The following RP1L1 variants were observed in gnomAD, a reference collection of about 807,000 sequenced individuals.
RP1L1 encodes RP1 like 1, also known as retinitis pigmentosa 1-like 1 protein.
In RP1L1, 27 loss-of-function variants were observed where a neutral mutation model predicts 15.7. The ratio of observed to expected loss-of-function variants is 1.72; its 90% CI spans 1.27 to 2.38. RP1L1 has a LOEUF of 2.38. RP1L1 is among the 30% of genes most tolerant of loss of function. RP1L1 has a pLI of 0.00. For missense variants in RP1L1, 4,798 were observed against 3,075.9 expected (o/e 1.56, Z -13.24); for synonymous variants, 1,813 against 1,276.7 (o/e 1.42, Z -8.96).
intron 1 of RP1L1, among the ~76,000 whole-genome samples, chr8:10,653,867 T>A (rs1054747278): frequency 3.9e-5 from 6 of 152,122 alleles, no homozygotes; most frequent in African/African-American, 1.4e-4. Flanking sequence ...TGAGATGCAT[T>A]TCTGGGCTGT....
intron 2 of RP1L1, among the ~76,000 whole-genome samples, chr8:10,620,889 A>C (rs1798047261): frequency 6.6e-6 from 1 of 152,222 alleles, no homozygotes; most frequent in South Asian, 2.1e-4. Context: ...CCAAGGGCTC[A>C]GACCCCTCAG....
chr8:10,637,878 G>C (rs1015906429), intron 1 of RP1L1, among the ~76,000 whole-genome samples: 1 of 152,232 alleles, frequency 6.6e-6, no homozygotes, highest in Non-Finnish European at 1.5e-5. Context: ...AACTCCAGGG[G>C]TGGGGGGATT....
At position 10,623,024 on chromosome 8, in the gene RP1L1, T is replaced by C; in HGVS notation, c.178A>G (p.Thr60Ala). 1.2e-6 allele frequency: 2 copies of C among 1,613,870 alleles called. No homozygotes were observed. The highest frequency in any genetic ancestry group is 1.3e-5 in the African/African-American group (1 of 74,930). The change falls in exon 2 of 4, where the codon ACC (threonine) becomes GCC (alanine). Residue 60 changes from threonine to alanine, a missense_variant. By Grantham distance (58) the Thr-to-Ala change is moderately conservative. Transcript: ENST00000382483. ...AGCTCGTCCATGAGGGCGCTGAAGG[T>C]CTTAAAGGCGCGCTGGTGAACGGCC... ...RLAVHQRAFK[T>A]FSALMDELSQ... is the part of the protein sequence containing the mutation.
In RP1L1 at chr8:10,610,876, T is replaced by C. The variant is rs1175391654; in HGVS notation, c.3222A>G (p.Ala1074=). ...APAGCRVSLR[A]LPGRVSASTQ... ...TGGAGGCAGACACCCGGCCAGGAAG[T>C]GCCCGCAGGCTCACCCTGCAGCCTG... The change falls in exon 4 of 4, where the codon GCA becomes GCG. Residue 1074 remains alanine, a synonymous_variant. Transcript: ENST00000382483. 6.2e-7 allele frequency: 1 copy of C among 1,608,682 alleles called. No homozygotes were observed. The highest frequency in any genetic ancestry group is 8.5e-7 in the Non-Finnish European group (1 of 1,177,384).
intron 1 of RP1L1, among the ~76,000 whole-genome samples, chr8:10,653,134 G>A (rs1410590377): frequency 6.6e-6 from 1 of 152,156 alleles, no homozygotes; most frequent in African/African-American, 2.4e-5. Context: ...TAATTTATAT[G>A]ACATACTTAT....
Position 10,612,376 on chromosome 8 carries a change from G to C in RP1L1, c.1722C>G (p.Pro574=). 1 of 1,612,888 alleles carries C rather than the reference G, an allele frequency of 6.2e-7. No homozygotes were observed. The part of the protein sequence containing the change: ...SQQEASEGGD[P]ASPALSLSSL... Reference sequence around the variant, plus strand: ...ATGAAAGACTCAGGGCTGGAGAAGCGGGGTCGCCTCCCTCGCTGGCCTCCT... The same window carrying C: ...ATGAAAGACTCAGGGCTGGAGAAGCCGGGTCGCCTCCCTCGCTGGCCTCCT... Residue 574 remains proline (P), a synonymous_variant, in exon 4 of 4, where the codon CCC becomes CCG. Transcript: ENST00000382483.
At position 10,622,658 on chromosome 8, in the gene RP1L1, G is replaced by T; in HGVS notation, c.544C>A (p.Leu182Ile). 6.2e-7 allele frequency: 1 copy of T among 1,614,218 alleles called. No homozygotes were observed. The highest frequency in any genetic ancestry group is 1.1e-5 in the South Asian group (1 of 91,070). The change falls in exon 2 of 4, where the codon CTC (leucine) becomes ATC (isoleucine). Residue 182 changes from leucine (L) to isoleucine (I), a missense_variant. Coordinates refer to ENST00000382483, the MANE Select transcript of RP1L1 (RefSeq NM_178857.6). ...CGCAGGAGATCTGAGGCTTTGCCGA[G>T]AAAGGCGGCCAGGTTCCTAGTATTC... ...HRNTRNLAAF[L>I]GKASDLLRFP...
chr8:10,631,430 C>T (rs946641897), intron 1 of RP1L1, among the ~76,000 whole-genome samples: 13 of 147,408 alleles, frequency 8.8e-5, no homozygotes, highest in South Asian at 2.2e-4. Flanking sequence ...CACACATGCG[C>T]GCACACACAC....
Position 10,612,277 on chromosome 8 carries a change from T to C in RP1L1, c.1821A>G (p.Thr607=), listed in dbSNP as rs760134129. 6.2e-6 allele frequency: 10 copies of C among 1,613,234 alleles called. No homozygotes were observed. The highest frequency in any genetic ancestry group is 1.1e-5 in the South Asian group (1 of 91,090). The change falls in exon 4 of 4, where the codon ACA becomes ACG. Residue 607 remains threonine, a synonymous_variant. Coordinates refer to ENST00000382483, the MANE Select transcript of RP1L1 (RefSeq NM_178857.6). Reference sequence around the variant, plus strand: ...AAAGGCCCAGAACCAGAGGCTCCCTTGTCACAGCCGCTCCCGTGGCCTGCT... The same window carrying C: ...AAAGGCCCAGAACCAGAGGCTCCCTCGTCACAGCCGCTCCCGTGGCCTGCT... ...GTEQATGAAV[T]REPLVLGLSC...
chr8:10,609,450 T>A lies in RP1L1; in HGVS notation c.4648A>T (p.Asn1550Tyr). The A allele has an allele frequency of 6.2e-7, 1 of 1,612,474 alleles. No homozygotes were observed. Residue 1550 changes from asparagine (N) to tyrosine (Y), a missense_variant, in exon 4 of 4, where the codon AAT becomes TAT. Physicochemically the swap from Asn to Tyr is moderately radical, Grantham distance 143. Coordinates refer to ENST00000382483, the MANE Select transcript of RP1L1 (RefSeq NM_178857.6). ...ELRARWGLQD[N>Y]DLLDQMAAEL... is the part of the protein sequence containing the mutation. Reference sequence around the variant, plus strand: ...GCCGCCATCTGGTCCAGCAGATCATTGTCCTGCAGGCCCCAGCGTGCTCGG... The same window carrying A: ...GCCGCCATCTGGTCCAGCAGATCATAGTCCTGCAGGCCCCAGCGTGCTCGG...
At chr8:10,651,306 A>G (rs1436609103) in intron 1 of RP1L1, among the ~76,000 whole-genome samples, 1 of 152,230 alleles carries the variant, frequency 6.6e-6, no homozygotes, top group East Asian at 1.9e-4. Flanking sequence ...CACACATTTG[A>G]GGAGTGCTGC....
At position 10,612,790 on chromosome 8, in the gene RP1L1, G is replaced by C; in HGVS notation, c.1308C>G (p.Gly436=). 2.5e-6 allele frequency: 4 copies of C among 1,610,840 alleles called. No individual in the cohort carries two copies. The highest frequency in any genetic ancestry group is 2.5e-6 in the Non-Finnish European group (3 of 1,179,934). Residue 436 remains glycine, a synonymous_variant, in exon 4 of 4, where the codon GGC becomes GGG. Transcript: ENST00000382483. ...TCCCGGCAGTCCCGTGGCCCCACAG[G>C]CCACTGCAGCGGACGTGCTGGGCCA... is the stretch of plus-strand genomic sequence containing the variant. ...WGLAQHVRCS[G]LWGHGTAGRE... is the part of the protein sequence containing the mutation.
intron 3 of RP1L1, 54 bp from the exon 4 acceptor site, chr8:10,613,400 G>A (rs1367084627): frequency 1.3e-6 from 2 of 1,596,280 alleles, no homozygotes; most frequent in East Asian, 2.2e-5. Context: ...AGCCATGGGG[G>A]CAGCATCAGG....
chr8:10,623,257 CT>C, intron 1 of RP1L1, 37 bp from the exon 2 acceptor site: 1 of 1,473,692 alleles, frequency 6.8e-7, no homozygotes, highest in Non-Finnish European at 9.0e-7. Context: ...CAGAGAGCAG[CT>C]TGGGGGATTG....
intron 2 of RP1L1, among the ~76,000 whole-genome samples, chr8:10,620,156 T>C (rs1798035800): frequency 6.6e-6 from 1 of 152,178 alleles, no homozygotes; most frequent in African/African-American, 2.4e-5. Context: ...CCAGCAGTTT[T>C]GGTGTCTGCA....
chr8:10,615,199 T>G (rs1364837785), intron 3 of RP1L1, among the ~76,000 whole-genome samples: 1 of 152,186 alleles, frequency 6.6e-6, no homozygotes, highest in African/African-American at 2.4e-5. Context: ...TGACCTACAG[T>G]GATCACTGAG....
In RP1L1 at chr8:10,608,692, T is replaced by C. The variant is rs1172952969; in HGVS notation, c.5406A>G (p.Glu1802=). The change falls in exon 4 of 4, where the codon GAA becomes GAG. Residue 1802 remains glutamate, a synonymous_variant. Transcript: ENST00000382483. ...CATGCCCAGAGCCTTGACCCCCAGT[T>C]TCTCCCCTTTCACTTATGCCCTCTC... is the stretch of plus-strand genomic sequence containing the variant. ...QEGEGISERG[E]TGGQGSGHED... The C allele has an allele frequency of 1.9e-6, 3 of 1,614,038 alleles. No individual in the cohort carries two copies. The African/African-American group carries it at 4.0e-5, about 22-fold the overall frequency.
At chr8:10,648,420 C>T (rs750245615) in intron 1 of RP1L1, among the ~76,000 whole-genome samples, 14 of 152,052 alleles carry the variant, frequency 9.2e-5, no homozygotes, top group Non-Finnish European at 1.8e-4. Context: ...AGATTCCCAG[C>T]GTCCCCCTAG....
At chr8:10,621,885 C>T in intron 2 of RP1L1, 1 of 421,718 alleles carries the variant, frequency 2.4e-6, no homozygotes, top group Non-Finnish European at 4.8e-6. Flanking sequence ...GCAGACCCAG[C>T]TTCCAATTCA....
Sources: allele counts gnomAD v4.1 joint callset (sites outside exome capture counted in the v4.1 genomes callset), GRCh38; gene constraint gnomAD v4.1.1; transcripts MANE v1.5; gene names NCBI Gene and HGNC (gene_info 2026-07-23, HGNC 2026-07-21).